Variants in HDAC4 observed in about 807,000 individuals in gnomAD.
HDAC4 encodes histone deacetylase 4.
Under a neutral mutation model 135.1 loss-of-function variants are expected in HDAC4, and 16 were observed. The observed-to-expected ratio is 0.12, with a 90% CI of 0.08 to 0.18. The LOEUF (loss-of-function observed/expected upper bound fraction) is 0.18, where lower values mean the gene tolerates loss of function less well. Ranked by LOEUF, HDAC4 falls within the 10% of genes least tolerant of loss-of-function variation. The probability of loss-of-function intolerance (pLI) is 1.00; values close to 1 mark genes in which losing one functional copy is unlikely to be tolerated. For missense variants in HDAC4, 1,143 were observed against 1,511.8 expected (o/e 0.76, Z 4.05); for synonymous variants, 685 against 653.4 (o/e 1.05, Z -0.74).
chr2:239,065,208 CAGTA>C (rs1171941373), intron 24 of HDAC4, among the ~76,000 whole-genome samples: 2 of 152,294 alleles, frequency 1.3e-5, no homozygotes, highest in South Asian at 4.1e-4. Flanking sequence ...GAGCGCCTGT[CAGTA>C]AGAGCCATCA....
chr2:239,310,348 A>G (rs1211753548), intron 2 of HDAC4, among the ~76,000 whole-genome samples: 1 of 152,030 alleles, frequency 6.6e-6, no homozygotes, highest in African/African-American at 2.4e-5. Flanking sequence ...AGATACACAA[A>G]CTCTGAGTGA....
intron 2 of HDAC4, among the ~76,000 whole-genome samples, chr2:239,322,526 A>G (rs2053348442): frequency 6.6e-6 from 1 of 152,182 alleles, no homozygotes; most frequent in South Asian, 2.1e-4. Flanking sequence ...TGCCAGCCAT[A>G]TTTACCATTA....
At chr2:239,163,037 T>C (rs1282163746) in intron 6 of HDAC4, among the ~76,000 whole-genome samples, 1 of 152,138 alleles carries the variant, frequency 6.6e-6, no homozygotes, top group African/African-American at 2.4e-5. Flanking sequence ...CCTTGCTCAC[T>C]GTTTCAAGCC....
chr2:239,173,254 A>G (rs780286108), intron 5 of HDAC4, among the ~76,000 whole-genome samples: 6 of 152,192 alleles, frequency 3.9e-5, no homozygotes, highest in Middle Eastern at 3.2e-3. Context: ...AATCATACAA[A>G]ATAAAATGTT....
rs1385418482 is a variant in HDAC4 at position 239,146,011 on chromosome 2, G to GT, written c.734-1298dup. Among the ~76,000 whole-genome samples the GT allele has an allele frequency of 1.3e-5, 2 of 152,158 alleles. No homozygotes were observed. The highest frequency in any genetic ancestry group is 2.9e-5 in the Non-Finnish European group (2 of 68,032). On this transcript the variant is annotated intron_variant, in intron 7 of 26. Transcript: ENST00000543185. This position sits in a 1 kb window ranked among gnomAD's most constrained non-coding sequence, Gnocchi z 4.5. Reference sequence around the variant, plus strand: ...GAAACCAGAGAGGCGCTGTGAGAAGGTACCAGACTCTAAGCCTCTGCAGGG... The same window carrying GT: ...GAAACCAGAGAGGCGCTGTGAGAAGGTTACCAGACTCTAAGCCTCTGCAGGG...
chr2:239,335,143 C>A (rs1464810272), intron 2 of HDAC4, among the ~76,000 whole-genome samples: 2 of 151,710 alleles, frequency 1.3e-5, no homozygotes, highest in Admixed American at 1.3e-4. Context: ...TGGTTAACTG[C>A]AAATCTATTA....
At chr2:239,343,724 G>C (rs1400726102) in intron 2 of HDAC4, among the ~76,000 whole-genome samples, 1 of 152,214 alleles carries the variant, frequency 6.6e-6, no homozygotes, top group African/African-American at 2.4e-5. Flanking sequence ...CACACAAGCA[G>C]ACAGGCTCAA....
At chr2:239,376,695 T>C (rs764871995) in intron 1 of HDAC4, among the ~76,000 whole-genome samples, 3 of 152,172 alleles carry the variant, frequency 2.0e-5, no homozygotes, top group Non-Finnish European at 4.4e-5. Flanking sequence ...CGTGTGTTCC[T>C]GAATACAGCC....
chr2:239,096,832 C>T (rs1412723002), intron 16 of HDAC4, among the ~76,000 whole-genome samples: 1 of 144,964 alleles, frequency 6.9e-6, no homozygotes, highest in Admixed American at 6.7e-5. Flanking sequence ...AGAGCTGACT[C>T]AGGCTCTTCT....
At chr2:239,269,569 G>A (rs1046040863) in intron 2 of HDAC4, among the ~76,000 whole-genome samples, 1 of 152,216 alleles carries the variant, frequency 6.6e-6, no homozygotes, top group African/African-American at 2.4e-5. Context: ...TGAGAAGCAT[G>A]AGGCCCTGCT....
intron 24 of HDAC4, among the ~76,000 whole-genome samples, chr2:239,056,772 G>A (rs1311896958): frequency 6.6e-6 from 1 of 152,212 alleles, no homozygotes; most frequent in South Asian, 2.1e-4. Flanking sequence ...CCCGATGGTG[G>A]AAGGACCCGG....
chr2:239,108,843 G>C (rs954574854), intron 14 of HDAC4, among the ~76,000 whole-genome samples: 1 of 152,360 alleles, frequency 6.6e-6, no homozygotes, highest in East Asian at 1.9e-4. Flanking sequence ...AGCTCAGCAT[G>C]GACGGGCCCC....
chr2:239,178,331 C>T (rs1362870537), intron 4 of HDAC4, among the ~76,000 whole-genome samples: 4 of 152,190 alleles, frequency 2.6e-5, no homozygotes, highest in Admixed American at 1.3e-4. Flanking sequence ...AGTGCAGTGG[C>T]GCAATCATAG....
intron 12 of HDAC4, among the ~76,000 whole-genome samples, chr2:239,120,190 G>A (rs2039513670): frequency 6.6e-6 from 1 of 152,142 alleles, no homozygotes; most frequent in Non-Finnish European, 1.5e-5. Flanking sequence ...GGATTTGGGA[G>A]ACAGATCAGA....
intron 6 of HDAC4, among the ~76,000 whole-genome samples, chr2:239,159,191 C>T (rs1253311579): frequency 6.6e-6 from 1 of 151,424 alleles, no homozygotes; most frequent in Non-Finnish European, 1.5e-5. Flanking sequence ...ATTCACACTA[C>T]TCCCACCCAC....
At position 239,146,244 on chromosome 2, in the gene HDAC4, A is replaced by T. The variant is rs150351465; in HGVS notation, c.734-1530T>A. 4.6e-3 allele frequency among the ~76,000 whole-genome samples: 697 copies of T among 152,302 alleles called. 3 individuals are homozygous for T. The highest frequency in any genetic ancestry group is 0.016 in the African/African-American group (663 of 41,558). ...TCAAAAGACAAAACAAAACCAAAAAAAACAAGCCAAAAAACCCAACTGATG... is the reference window on the plus strand; with the variant it reads ...TCAAAAGACAAAACAAAACCAAAAATAACAAGCCAAAAAACCCAACTGATG... On this transcript the variant is annotated intron_variant, in intron 7 of 26. Coordinates refer to ENST00000543185, the MANE Select transcript of HDAC4 (RefSeq NM_001378414.1). The surrounding 1 kb of genome is among the most constrained non-coding windows in gnomAD (Gnocchi z 4.5).
chr2:239,107,265 C>A (rs2038230545), intron 15 of HDAC4, among the ~76,000 whole-genome samples: 1 of 152,234 alleles, frequency 6.6e-6, no homozygotes, highest in Non-Finnish European at 1.5e-5. Context: ...ATCCTTCTTG[C>A]CTCCTTGGGC....
chr2:239,088,316 G>T (rs139872444), intron 18 of HDAC4, among the ~76,000 whole-genome samples: 1 of 152,384 alleles, frequency 6.6e-6, no homozygotes, highest in East Asian at 1.9e-4. Flanking sequence ...CTCAAAAAAA[G>T]TGCCGGCCAA....
rs541882999 is a variant in HDAC4, at chr2:239,354,694, G to GT, written c.-219-1777dup. Among the ~76,000 whole-genome samples, 13 of 142,666 alleles carry GT rather than the reference G, an allele frequency of 9.1e-5. No homozygotes were observed. In the South Asian group the frequency reaches 2.9e-3, roughly 31 times the overall value. 93.6% of individuals were successfully genotyped at this position (142,666 alleles called of 152,430 possible). A position where few individuals can be genotyped will look rare whatever the true frequency, so the allele number is the denominator to read the frequency against. Reference sequence around the variant, plus strand: ...GATGCTTTCCAACTTTATGTTCATTGTATCTACAACTCTGATTAATATCTT... The same window carrying GT: ...GATGCTTTCCAACTTTATGTTCATTGTTATCTACAACTCTGATTAATATCTT... On this transcript the variant is annotated intron_variant, in intron 1 of 26. Coordinates refer to ENST00000543185, the MANE Select transcript of HDAC4 (RefSeq NM_001378414.1).
Sources: allele counts gnomAD v4.1 joint callset (sites outside exome capture counted in the v4.1 genomes callset), GRCh38; gene constraint gnomAD v4.1.1; non-coding constraint Gnocchi (gnomAD v3.1); transcripts MANE v1.5; gene names NCBI Gene and HGNC (gene_info 2026-07-23, HGNC 2026-07-21).